Variants in ZNF451 observed in about 807,000 individuals in gnomAD.
ZNF451 encodes E3 SUMO-protein ligase ZNF451.
A neutral mutation model predicts 107.1 loss-of-function variants in ZNF451; 80 were observed. The observed-to-expected ratio is 0.75, with a 90% CI of 0.62 to 0.90. The LOEUF (loss-of-function observed/expected upper bound fraction) is 0.90. ZNF451 is among the 40% of genes least tolerant of loss of function. The pLI, the probability that ZNF451 is intolerant of heterozygous loss-of-function variation, is 0.00. For synonymous variants in ZNF451, 362 were observed against 406.5 expected, an observed-to-expected ratio of 0.89 and a Z score of 1.32; for missense variants, 1,107 against 1,236.2, an observed-to-expected ratio of 0.90 and a Z score of 1.57.
intron 3 of ZNF451, chr6:57,101,456 C>G: frequency 6.4e-7 from 1 of 1,550,814 alleles, no homozygotes; most frequent in Non-Finnish European, 8.7e-7. Flanking sequence ...GCTGAAGGCC[C>G]CATTGTAGAA....
chr6:57,160,417 T>G (rs982710031), intron 13 of ZNF451, among the ~76,000 whole-genome samples: 2 of 151,534 alleles, frequency 1.3e-5, no homozygotes, highest in African/African-American at 4.8e-5. Flanking sequence ...CACTGCAACC[T>G]CCACCTCCCA....
chr6:57,099,191 G>A (rs906533527), intron 3 of ZNF451, 50 bp downstream of exon 3: 5 of 1,410,502 alleles, frequency 3.5e-6, no homozygotes, highest in Non-Finnish European at 5.0e-6. Context: ...TCTTTTAAGA[G>A]GTATTCTCTA....
intron 4 of ZNF451, 86 bp from the exon 5 acceptor site, chr6:57,128,643 A>T: frequency 1.2e-6 from 1 of 819,460 alleles, no homozygotes; most frequent in Non-Finnish European, 2.0e-6. Context: ...AGTAATCAGT[A>T]TTTTCTGATC....
chr6:57,106,848 A>G (rs2127945475), intron 3 of ZNF451: 1 of 979,488 alleles, frequency 1.0e-6, no homozygotes, highest in East Asian at 1.1e-4. Flanking sequence ...AAAATATATA[A>G]GTGGAAGTTA....
At chr6:57,163,436 CTTTTTTTTTTTTTTTTTT>C (rs398001706) in intron 14 of ZNF451, among the ~76,000 whole-genome samples, 11 of 30,334 alleles carry the variant, frequency 3.6e-4, no homozygotes, top group Admixed American at 2.8e-3. Flanking sequence ...AATGAATAAA[CTTTTTTTTTTTTTTTTTT>C]TTTTTTTTTT....
intron 14 of ZNF451, among the ~76,000 whole-genome samples, chr6:57,162,214 T>G (rs1330510009): frequency 6.6e-6 from 1 of 152,118 alleles, no homozygotes; most frequent in Non-Finnish European, 1.5e-5. Flanking sequence ...GGCTGGAAAG[T>G]AGGGATGGAA....
chr6:57,096,614 T>TTGGGGGGGGGGGGGGGG (rs1829330641), intron 2 of ZNF451, among the ~76,000 whole-genome samples: 1 of 68,824 alleles, frequency 1.5e-5, no homozygotes, highest in African/African-American at 5.7e-5. Flanking sequence ...GGCGGGGGGG[T>TTGGGGGGGGGGGGGGGG]AGGGGGGCGC....
intron 5 of ZNF451, among the ~76,000 whole-genome samples, chr6:57,130,702 C>A (rs1388078883): frequency 6.6e-6 from 1 of 152,102 alleles, no homozygotes; most frequent in Admixed American, 6.6e-5. Context: ...TAAAATGAAT[C>A]TTGAGCATCT....
At position 57,147,161 on chromosome 6, in the gene ZNF451, T is replaced by C; in HGVS notation, c.1076T>C (p.Ile359Thr). The C allele has an allele frequency of 6.2e-7, 1 of 1,614,028 alleles. No homozygotes were observed. Among genetic ancestry groups the C allele is most frequent in the Non-Finnish European group, 8.5e-7 (1 of 1,179,940 alleles). The change falls in exon 10 of 15, where the codon ATA (isoleucine) becomes ACA (threonine). Residue 359 changes from isoleucine to threonine, a missense_variant. Physicochemically the swap from Ile to Thr is moderately conservative, Grantham distance 89. Around this residue, in one of 5 missense-constraint regions of ZNF451, gnomAD observed 608 missense variants for 649.2 expected, o/e 0.94. Coordinates refer to ENST00000370706, the MANE Select transcript of ZNF451 (RefSeq NM_001031623.3). Reference protein sequence around the residue: ...KSITQVAEKFILRGYCPDCNQ... With the variant: ...KSITQVAEKFTLRGYCPDCNQ... ...ATTACCCAGGTTGCAGAGAAATTCA[T>C]ATTAAGAGGTTATTGTCCAGATTGC... is the stretch of plus-strand genomic sequence containing the variant.
chr6:57,114,026 A>G (rs1359326897), intron 3 of ZNF451, among the ~76,000 whole-genome samples: 1 of 152,228 alleles, frequency 6.6e-6, no homozygotes, highest in Non-Finnish European at 1.5e-5. Flanking sequence ...TTCAAGAAAT[A>G]GGCATTTGTA....
intron 6 of ZNF451, among the ~76,000 whole-genome samples, chr6:57,134,420 G>A (rs1191757986): frequency 6.6e-6 from 1 of 152,268 alleles, no homozygotes; most frequent in South Asian, 2.1e-4. Context: ...TGGTAACCAA[G>A]GCAAGAAGTA....
chr6:57,095,814 TTTGTTGTTG>T (rs936673400), intron 2 of ZNF451, among the ~76,000 whole-genome samples: 1 of 148,034 alleles, frequency 6.8e-6, no homozygotes, highest in African/African-American at 2.5e-5. Flanking sequence ...GCTTTTTTTT[TTTGTTGTTG>T]TTGTTGTTGT....
intron 7 of ZNF451, among the ~76,000 whole-genome samples, chr6:57,137,840 G>A (rs1056256903): frequency 3.3e-5 from 5 of 152,116 alleles, no homozygotes; most frequent in Non-Finnish European, 7.3e-5. Flanking sequence ...TATATAAAAG[G>A]AATCACACAA....
At chr6:57,103,733 A>G in intron 3 of ZNF451, 3 of 985,320 alleles carry the variant, frequency 3.0e-6, no homozygotes, top group Non-Finnish European at 2.4e-6. Context: ...TGCTAATGGA[A>G]TATGGCACTG....
intron 3 of ZNF451, among the ~76,000 whole-genome samples, chr6:57,112,992 T>G (rs1830180621): frequency 1.3e-5 from 2 of 152,190 alleles, no homozygotes; most frequent in Non-Finnish European, 2.9e-5. Context: ...TTGTTCCTTT[T>G]TCTTTTTTTA....
intron 10 of ZNF451, 131 bp downstream of exon 10, chr6:57,148,824 AT>A: frequency 1.2e-6 from 1 of 819,304 alleles, no homozygotes. Flanking sequence ...TGGTATATAC[AT>A]TTTAGGGGTT....
rs779804201 is a variant in ZNF451 at position 57,134,846 on chromosome 6, A to G, written c.678A>G (p.Gln226=). ...ATAAAAAATTTGTTACTCAACAACA[A>G]TATAGAGATCACCTTTTTGATAAGG... ...VCYKKFVTQQ[Q]YRDHLFDKEA... is the part of the protein sequence containing the mutation. The change falls in exon 7 of 15, where the codon CAA becomes CAG. Residue 226 remains glutamine, a synonymous_variant. Transcript: ENST00000370706. The G allele has an allele frequency of 6.2e-7, 1 of 1,608,380 alleles. No individual in the cohort carries two copies. The highest frequency in any genetic ancestry group is 1.7e-5 in the Admixed American group (1 of 59,894).
intron 7 of ZNF451, among the ~76,000 whole-genome samples, chr6:57,138,741 A>ATATATGTGTGTGTGTG (rs1365084616): frequency 2.1e-5 from 1 of 46,600 alleles, no homozygotes; most frequent in African/African-American, 9.2e-5. Flanking sequence ...ATATATATAT[A>ATATATGTGTGTGTGTG]TGTGTGTGTG....
chr6:57,101,781 T>C (rs1295627871), intron 3 of ZNF451: 24 of 1,550,454 alleles, frequency 1.5e-5, no homozygotes, highest in Non-Finnish European at 1.9e-5. Flanking sequence ...CCATAGACTA[T>C]AGACGGCAGG....
Sources: gnomAD v4.1 joint callset for allele counts (sites outside exome capture counted in the v4.1 genomes callset) on GRCh38, gnomAD v4.1.1 for gene constraint, gnomAD v4.1.1 regional missense constraint, MANE v1.5 for transcripts, NCBI Gene and HGNC (gene_info 2026-07-23, HGNC 2026-07-21) for gene names.